Variants in MARK1 observed in about 807,000 individuals in gnomAD.
MARK1 encodes microtubule affinity regulating kinase 1.
In MARK1, 40 loss-of-function variants were observed where a neutral mutation model predicts 96.3. The observed-to-expected ratio is 0.42, with a 90% CI of 0.32 to 0.54. The LOEUF (loss-of-function observed/expected upper bound fraction) is 0.54. MARK1 is among the 20% of genes least tolerant of loss of function. MARK1 has a pLI of 0.16. For missense variants in MARK1, 719 were observed against 984.6 expected (o/e 0.73, Z 3.61); for synonymous variants, 317 against 341.2 (o/e 0.93, Z 0.78).
chr1:220,618,875 G>C lies in MARK1; in HGVS notation c.909+120G>C. On this transcript the variant is annotated intron_variant, in intron 9 of 17. Coordinates refer to ENST00000366917, the MANE Select transcript of MARK1 (RefSeq NM_018650.5). The surrounding 1 kb of genome is among the most constrained non-coding windows in gnomAD (Gnocchi z 4.6). ...TGCCAAATTATCTAATCTGCCTTTT[G>C]TTTGTAGGTAGGGAAAATTACATGA... is the stretch of plus-strand genomic sequence containing the variant. 1.2e-6 allele frequency: 1 copy of C among 833,738 alleles called. No homozygotes were observed. Among genetic ancestry groups the C allele is most frequent in the Non-Finnish European group, 1.8e-6 (1 of 565,886 alleles). The allele number at this position is 833,738 out of a possible 1,614,324, so 51.6% of individuals were successfully genotyped here. A position where few individuals can be genotyped will look rare whatever the true frequency, so the allele number is the denominator to read the frequency against.
chr1:220,594,839 A>G (rs56249319), intron 3 of MARK1, among the ~76,000 whole-genome samples: 1,724 of 152,326 alleles, frequency 0.011, 26 homozygotes, highest in African/African-American at 0.04. Context: ...GACAATAAAA[A>G]GATCAATGGT....
At chr1:220,555,148 A>G (rs192280970) in intron 1 of MARK1, among the ~76,000 whole-genome samples, 2 of 152,298 alleles carry the variant, frequency 1.3e-5, no homozygotes, top group Admixed American at 6.5e-5. Context: ...GTCATTGATC[A>G]TCTGATTTCC....
rs148155521 is a variant in MARK1 at position 220,529,648 on chromosome 1, G to A, written c.51+775G>A. Among the ~76,000 whole-genome samples, 1,042 of 152,270 alleles carry A rather than the reference G, an allele frequency of 6.8e-3. 18 individuals are homozygous for A. Among genetic ancestry groups the A allele is most frequent in the African/African-American group, 0.022 (911 of 41,542 alleles). ...TCACAAGGTGCACATCTTTAAAGGA[G>A]GGATTTTCTGTGTCTTTGATCAGAT... On this transcript the variant is annotated intron_variant, in intron 1 of 17. Transcript: ENST00000366917.
intron 9 of MARK1, among the ~76,000 whole-genome samples, chr1:220,629,965 A>G (rs1667578006): frequency 6.6e-6 from 1 of 152,188 alleles, no homozygotes; most frequent in South Asian, 2.1e-4. Context: ...ATAAATACCC[A>G]GAAGTGGGAT....
intron 3 of MARK1, among the ~76,000 whole-genome samples, chr1:220,592,773 G>A (rs1488664748): frequency 6.6e-6 from 1 of 152,172 alleles, no homozygotes; most frequent in Non-Finnish European, 1.5e-5. Context: ...TGGAGTGTAA[G>A]GCTGCAGGGA....
chr1:220,573,410 G>T (rs149751919), intron 1 of MARK1, among the ~76,000 whole-genome samples: 2 of 152,020 alleles, frequency 1.3e-5, no homozygotes, highest in East Asian at 3.9e-4. Context: ...TGCAAGCTCC[G>T]CATCCTGGGT....
Position 220,645,834 on chromosome 1 carries a change from G to A in MARK1, c.1471-4786G>A, listed in dbSNP as rs575583212. 5.3e-5 allele frequency among the ~76,000 whole-genome samples: 8 copies of A among 152,228 alleles called. No individual in the cohort carries two copies. In the East Asian group the frequency reaches 1.5e-3, roughly 29 times the overall value. On this transcript the variant is annotated intron_variant, in intron 13 of 17. Coordinates refer to ENST00000366917, the MANE Select transcript of MARK1 (RefSeq NM_018650.5). ...AATTATCTCAATAGACACAGAAAAAGCCTTCGATAAAATTCAACATCCCTT... is the reference window on the plus strand; with the variant it reads ...AATTATCTCAATAGACACAGAAAAAACCTTCGATAAAATTCAACATCCCTT...
chr1:220,630,964 G>A, intron 9 of MARK1, 71 bp from the exon 10 acceptor site: 1 of 1,061,794 alleles, frequency 9.4e-7, no homozygotes, highest in South Asian at 1.4e-5. Context: ...TTTTACATTT[G>A]CTAAAATAGA....
intron 13 of MARK1, among the ~76,000 whole-genome samples, chr1:220,638,117 A>ATTTT (rs35224257): frequency 7.1e-6 from 1 of 140,598 alleles, no homozygotes; most frequent in African/African-American, 2.6e-5. Context: ...TGGGGCTTAA[A>ATTTT]TTTTTTTTTT....
chr1:220,628,490 C>A (rs1667475022), intron 9 of MARK1, among the ~76,000 whole-genome samples: 2 of 152,146 alleles, frequency 1.3e-5, no homozygotes, highest in Admixed American at 6.5e-5. Flanking sequence ...TTAGGCGTCA[C>A]CTTATTTGAC....
chr1:220,627,211 T>C (rs932222028), intron 9 of MARK1: 2 of 474,486 alleles, frequency 4.2e-6, no homozygotes, highest in African/African-American at 4.0e-5. Flanking sequence ...CCCTGACAAA[T>C]GGATCTCGAT....
At chr1:220,648,042 T>C (rs772831054) in intron 13 of MARK1, among the ~76,000 whole-genome samples, 21 of 151,266 alleles carry the variant, frequency 1.4e-4, no homozygotes, top group Admixed American at 7.3e-4. Flanking sequence ...ACCCTGGAAC[T>C]TATAAAATAA....
chr1:220,543,631 G>T (rs1043193834), intron 1 of MARK1, among the ~76,000 whole-genome samples: 3 of 152,052 alleles, frequency 2.0e-5, no homozygotes, highest in Non-Finnish European at 4.4e-5. Context: ...TGAGGCCATG[G>T]ACCACTTTCA....
At position 220,528,636 on chromosome 1, in the gene MARK1, C is replaced by T. The variant is rs923745391; in HGVS notation, c.-187C>T. The T allele has an allele frequency of 9.3e-5, 47 of 505,068 alleles. No homozygotes were observed. The highest frequency in any genetic ancestry group is 1.6e-4 in the Non-Finnish European group (47 of 287,460). The allele number at this position is 505,068 out of a possible 1,614,324, so 31.3% of individuals were successfully genotyped here. ...GCGCCGCCGCGGGAAGCGGCTCCCC[C>T]TCCTCTTCCTCCGCGTCCTCTTCCC... On this transcript the variant is annotated 5_prime_UTR_variant, in exon 1 of 18. Coordinates refer to ENST00000366917, the MANE Select transcript of MARK1 (RefSeq NM_018650.5).
At chr1:220,630,118 G>GT (rs1325013672) in intron 9 of MARK1, among the ~76,000 whole-genome samples, 1 of 152,052 alleles carries the variant, frequency 6.6e-6, no homozygotes, top group African/African-American at 2.4e-5. Flanking sequence ...CTTGTTTCTT[G>GT]TTTTTTTGAT....
chr1:220,626,952 C>G, intron 9 of MARK1: 1 of 504,328 alleles, frequency 2.0e-6, no homozygotes, highest in Non-Finnish European at 4.0e-6. Flanking sequence ...ACATATGAGA[C>G]AGGTGTGGCC....
intron 6 of MARK1, among the ~76,000 whole-genome samples, chr1:220,612,355 T>G (rs1246473514): frequency 6.6e-6 from 1 of 152,188 alleles, no homozygotes; most frequent in Non-Finnish European, 1.5e-5. Flanking sequence ...AAATAATTAC[T>G]AAAATTGGCT....
intron 1 of MARK1, among the ~76,000 whole-genome samples, chr1:220,575,656 A>G (rs74139777): frequency 0.011 from 1,721 of 152,106 alleles, 26 homozygotes; most frequent in African/African-American, 0.04. Context: ...TGTATAATAT[A>G]TGTAATATAA....
chr1:220,583,386 A>G (rs1664378547), intron 3 of MARK1, among the ~76,000 whole-genome samples: 1 of 152,190 alleles, frequency 6.6e-6, no homozygotes, highest in African/African-American at 2.4e-5. Context: ...CAACTGCTTA[A>G]TACTGCCAAA....
Sources: allele counts gnomAD v4.1 joint callset (sites outside exome capture counted in the v4.1 genomes callset), GRCh38; gene constraint gnomAD v4.1.1; non-coding constraint Gnocchi (gnomAD v3.1); transcripts MANE v1.5; gene names NCBI Gene and HGNC (gene_info 2026-07-23, HGNC 2026-07-21).